NOL10: variants seen among roughly 807,000 people sequenced by gnomAD.
The protein encoded by NOL10 is nucleolar protein 10, also known as H_NH0074G24.1.
NOL10 carries 58 observed loss-of-function variants against 103.5 expected under a neutral mutation model. That is an observed-to-expected ratio of 0.56 (90% CI 0.45 to 0.70). The LOEUF (loss-of-function observed/expected upper bound fraction) is 0.70. NOL10 is among the 30% of genes least tolerant of loss of function. The pLI is 0.00. For synonymous variants in NOL10, 287 were observed against 282.5 expected (o/e 1.02, Z -0.16); for missense variants, 763 against 807.3 (o/e 0.95, Z 0.67).
intron 13 of NOL10, among the ~76,000 whole-genome samples, chr2:10,609,217 C>G (rs1676416074): frequency 6.8e-6 from 1 of 147,958 alleles, no homozygotes; most frequent in South Asian, 2.1e-4. Context: ...GCAATGAACT[C>G]AGACTGCACT....
At chr2:10,670,426 TG>T (rs1304268529) in intron 6 of NOL10, among the ~76,000 whole-genome samples, 1 of 152,176 alleles carries the variant, frequency 6.6e-6, no homozygotes, top group Non-Finnish European at 1.5e-5. Flanking sequence ...ATACACTAAT[TG>T]CTTTGTTAAA....
At chr2:10,604,250 G>T (rs977363610) in intron 14 of NOL10, among the ~76,000 whole-genome samples, 2 of 152,198 alleles carry the variant, frequency 1.3e-5, no homozygotes, top group African/African-American at 4.8e-5. Flanking sequence ...TGGCCCAGGG[G>T]TTGGGGACCC....
intron 17 of NOL10, among the ~76,000 whole-genome samples, chr2:10,598,237 C>T (rs1347698054): frequency 6.6e-6 from 1 of 152,226 alleles, no homozygotes; most frequent in African/African-American, 2.4e-5. Flanking sequence ...AGTGACCGGA[C>T]ACTGCATCAG....
intron 17 of NOL10, among the ~76,000 whole-genome samples, chr2:10,594,403 G>A (rs1675556080): frequency 6.6e-6 from 1 of 152,162 alleles, no homozygotes; most frequent in African/African-American, 2.4e-5. Context: ...CATGGGCTGA[G>A]GTGAAGTGAA....
chr2:10,645,944 TACAC>T (rs57494359), intron 12 of NOL10, among the ~76,000 whole-genome samples: 5,035 of 147,652 alleles, frequency 0.034, 282 homozygotes, highest in African/African-American at 0.12. Context: ...CACACACACA[TACAC>T]ACACACACAC....
chr2:10,636,419 CCAAA>C (rs1678221543), intron 13 of NOL10, among the ~76,000 whole-genome samples: 1 of 20,004 alleles, frequency 5.0e-5, no homozygotes, highest in African/African-American at 1.3e-4. Context: ...CTACAAAAAA[CCAAA>C]AAAAAAAAAA....
intron 13 of NOL10, among the ~76,000 whole-genome samples, chr2:10,615,640 A>T (rs1005381721): frequency 2.5e-4 from 38 of 152,368 alleles, no homozygotes; most frequent in African/African-American, 8.7e-4. Context: ...GAACTGAAGA[A>T]GAAGATGCAG....
At chr2:10,633,195 A>G (rs1340811019) in intron 13 of NOL10, among the ~76,000 whole-genome samples, 2 of 152,114 alleles carry the variant, frequency 1.3e-5, no homozygotes, top group Non-Finnish European at 2.9e-5. Flanking sequence ...GAACAGCAGA[A>G]CTTGGCTGTG....
At chr2:10,646,085 T>A (rs1679054713) in intron 12 of NOL10, among the ~76,000 whole-genome samples, 1 of 152,170 alleles carries the variant, frequency 6.6e-6, no homozygotes, top group Admixed American at 6.5e-5. Context: ...GTAGAATCTT[T>A]CATCTTAGCA....
intron 1 of NOL10, among the ~76,000 whole-genome samples, chr2:10,686,324 G>T (rs558862352): frequency 6.6e-6 from 1 of 152,350 alleles, no homozygotes; most frequent in African/African-American, 2.4e-5. Context: ...CAGGCAGGCA[G>T]GACCTGTGCC....
chr2:10,627,754 G>C (rs370915820), intron 13 of NOL10, among the ~76,000 whole-genome samples: 57 of 151,494 alleles, frequency 3.8e-4, no homozygotes, highest in African/African-American at 1.1e-3. Flanking sequence ...GAGAGGGAGG[G>C]AGGGAGAGAG....
chr2:10,605,875 G>A (rs868073722), intron 14 of NOL10, among the ~76,000 whole-genome samples: 24 of 152,332 alleles, frequency 1.6e-4, no homozygotes, highest in African/African-American at 5.3e-4. Flanking sequence ...GATTAACTGT[G>A]CTATGAGATA....
Position 10,600,099 on chromosome 2 carries a change from A to G in NOL10, c.1422+754T>C, listed in dbSNP as rs575537580. On this transcript the variant is annotated intron_variant, in intron 17 of 20. Transcript: ENST00000381685. ...CTCATTAGGTTCTGCAGGCTGTCGC[A>G]GAGATCAGTTCTTTCCAACTCATTC... Among the ~76,000 whole-genome samples, 4 of 152,290 alleles carry G rather than the reference A, an allele frequency of 2.6e-5. No homozygotes were observed. The East Asian group carries it at 7.7e-4, about 29-fold the overall frequency.
At chr2:10,642,761 T>C (rs1290433119) in intron 13 of NOL10, among the ~76,000 whole-genome samples, 1 of 152,130 alleles carries the variant, frequency 6.6e-6, no homozygotes, top group Non-Finnish European at 1.5e-5. Context: ...CGGTCCCTCC[T>C]TCAAAGTCTC....
chr2:10,618,468 G>A (rs1676954892), intron 13 of NOL10, among the ~76,000 whole-genome samples: 1 of 152,140 alleles, frequency 6.6e-6, no homozygotes, highest in Non-Finnish European at 1.5e-5. Context: ...AGGCAATGCT[G>A]TGCCAAAAGA....
At chr2:10,662,920 G>C (rs1202374564) in intron 9 of NOL10, 39 bp downstream of exon 9, 1 of 1,448,390 alleles carries the variant, frequency 6.9e-7, no homozygotes. Context: ...TAAATTAAAA[G>C]TTGATGAACA....
At chr2:10,667,384 A>T in intron 7 of NOL10, 106 bp from the exon 8 acceptor site, 1 of 797,324 alleles carries the variant, frequency 1.3e-6, no homozygotes, top group Non-Finnish European at 2.1e-6. Context: ...AGTAGAAAGA[A>T]GACACACAGA....
At chr2:10,614,795 T>C (rs995565307) in intron 13 of NOL10, among the ~76,000 whole-genome samples, 2 of 152,236 alleles carry the variant, frequency 1.3e-5, no homozygotes, top group African/African-American at 4.8e-5. Flanking sequence ...ATACTAAATA[T>C]AGATATACTA....
At chr2:10,683,301 A>T (rs545752422) in intron 2 of NOL10, among the ~76,000 whole-genome samples, 3 of 152,286 alleles carry the variant, frequency 2.0e-5, no homozygotes, top group African/African-American at 7.2e-5. Flanking sequence ...TAAGTTAGAA[A>T]TTTTTCTTAC....
Sources: allele counts gnomAD v4.1 joint callset (sites outside exome capture counted in the v4.1 genomes callset), GRCh38; gene constraint gnomAD v4.1.1; transcripts MANE v1.5; gene names NCBI Gene and HGNC (gene_info 2026-07-23, HGNC 2026-07-21).